The following GRIP1 variants were observed in gnomAD, a reference collection of about 807,000 sequenced individuals.
GRIP1 encodes glutamate receptor-interacting protein 1.
A neutral mutation model predicts 129.9 loss-of-function variants in GRIP1; 45 were observed. The observed-to-expected ratio is 0.35, with a 90% CI of 0.27 to 0.44. The LOEUF is 0.44. GRIP1 is among the 20% of genes least tolerant of loss of function. The pLI is 1.00. For synonymous variants in GRIP1, 530 were observed against 520.8 expected (o/e 1.02, Z -0.24); for missense variants, 1,196 against 1,396.8 (o/e 0.86, Z 2.29).
intron 1 of GRIP1, among the ~76,000 whole-genome samples, chr12:66,781,882 T>C (rs2038172323): frequency 6.6e-6 from 1 of 152,214 alleles, no homozygotes. Context: ...CTATCAAAGC[T>C]GAACATATGC....
chr12:66,997,568 A>C (rs994503382), intron 1 of GRIP1, among the ~76,000 whole-genome samples: 1 of 152,170 alleles, frequency 6.6e-6, no homozygotes, highest in Non-Finnish European at 1.5e-5. Context: ...TTGAGAAAAC[A>C]CCCACAAGAA....
chr12:67,007,057 A>G (rs2042637191), intron 1 of GRIP1, among the ~76,000 whole-genome samples: 1 of 152,226 alleles, frequency 6.6e-6, no homozygotes, highest in South Asian at 2.1e-4. Flanking sequence ...CAAAAGACAG[A>G]ATACCATCAA....
intron 20 of GRIP1, among the ~76,000 whole-genome samples, chr12:66,377,720 C>G (rs1279916851): frequency 6.8e-6 from 1 of 146,244 alleles, no homozygotes; most frequent in African/African-American, 2.5e-5. Flanking sequence ...TTGGATCTGG[C>G]TTTCTTCCAC....
intron 1 of GRIP1, among the ~76,000 whole-genome samples, chr12:66,638,247 T>C (rs1199362036): frequency 6.6e-6 from 1 of 152,228 alleles, no homozygotes; most frequent in Admixed American, 6.5e-5. Flanking sequence ...ATATTTTGCA[T>C]TTTATTCCAC....
At chr12:66,524,116 C>T (rs1187851918) in intron 5 of GRIP1, among the ~76,000 whole-genome samples, 1 of 152,124 alleles carries the variant, frequency 6.6e-6, no homozygotes, top group Non-Finnish European at 1.5e-5. Flanking sequence ...TTAGACAGAT[C>T]AACGAGACAG....
intron 1 of GRIP1, among the ~76,000 whole-genome samples, chr12:66,818,747 A>G (rs913613973): frequency 1.3e-5 from 2 of 152,164 alleles, no homozygotes; most frequent in East Asian, 3.8e-4. Context: ...TACTACTACT[A>G]CTAGTAAACC....
chr12:66,698,615 C>T (rs75018971), intron 1 of GRIP1, among the ~76,000 whole-genome samples: 2,081 of 152,298 alleles, frequency 0.014, 45 homozygotes, highest in African/African-American at 0.047. Context: ...TTGCCTTCCT[C>T]CTTCCCTGTT....
intron 11 of GRIP1, among the ~76,000 whole-genome samples, chr12:66,452,690 C>A (rs1405031001): frequency 2.6e-5 from 4 of 152,038 alleles, no homozygotes; most frequent in African/African-American, 9.7e-5. Context: ...ACAAAGGGGG[C>A]AGCAAATGGT....
chr12:66,531,252 A>ATAT (rs1565833703), intron 4 of GRIP1, among the ~76,000 whole-genome samples: 2 of 19,468 alleles, frequency 1.0e-4, no homozygotes, highest in Non-Finnish European at 1.5e-4. Context: ...AAAAAAAAAA[A>ATAT]ATATATATAT....
intron 7 of GRIP1, among the ~76,000 whole-genome samples, chr12:66,481,142 T>C (rs750708637): frequency 4.7e-5 from 7 of 150,320 alleles, no homozygotes; most frequent in Non-Finnish European, 8.8e-5. Flanking sequence ...AAAGAAACTA[T>C]CATCAGAGTG....
At chr12:66,876,935 C>T (rs906372068) in intron 1 of GRIP1, among the ~76,000 whole-genome samples, 4 of 152,046 alleles carry the variant, frequency 2.6e-5, no homozygotes, top group Admixed American at 6.6e-5. Flanking sequence ...TACATATTAA[C>T]AGCTTTTGTA....
chr12:66,998,993 C>G (rs2042510972), intron 1 of GRIP1, among the ~76,000 whole-genome samples: 2 of 151,896 alleles, frequency 1.3e-5, no homozygotes, highest in Admixed American at 6.6e-5. Context: ...TCAAAAGGAC[C>G]CCCCTCCTCA....
chr12:66,977,298 C>T lies in GRIP1; in HGVS notation c.58+91752G>A, dbSNP rs377752382. Among the ~76,000 whole-genome samples, 45 of 150,612 alleles carry T rather than the reference C, an allele frequency of 3.0e-4. No homozygotes were observed. In the East Asian group the frequency reaches 5.7e-3, roughly 19 times the overall value. On this transcript the variant is annotated intron_variant, in intron 1 of 1. Transcript: ENST00000643019. The stretch of plus-strand genomic sequence containing the variant: ...TTTTAGGGTACAGGTGCAGGTCAAA[C>T]TTTCAAAAAGACACATCATAAGCTC...
chr12:66,748,770 T>C (rs147255114), intron 1 of GRIP1, among the ~76,000 whole-genome samples: 6,792 of 152,302 alleles, frequency 0.045, 227 homozygotes, highest in Non-Finnish European at 0.066. Flanking sequence ...TCTGAAAAGA[T>C]TGAGTTTATC....
chr12:66,371,288 A>C (rs1182888953), intron 23 of GRIP1, among the ~76,000 whole-genome samples: 2 of 151,284 alleles, frequency 1.3e-5, no homozygotes, highest in African/African-American at 4.9e-5. Context: ...CCTCCCAAGT[A>C]GCTGGGATTA....
intron 1 of GRIP1, among the ~76,000 whole-genome samples, chr12:66,797,334 T>G (rs2136894193): frequency 6.6e-6 from 1 of 152,294 alleles, no homozygotes; most frequent in Non-Finnish European, 1.5e-5. Flanking sequence ...GCCCACTAGC[T>G]ATCCCCTTCT....
chr12:66,515,514 G>T, intron 7 of GRIP1, 105 bp downstream of exon 7: 1 of 1,007,112 alleles, frequency 9.9e-7, no homozygotes, highest in Non-Finnish European at 1.6e-6. Flanking sequence ...AATTCTGTCT[G>T]CTCCAGGAGG....
At chr12:66,540,068 G>A (rs983985690) in intron 3 of GRIP1, among the ~76,000 whole-genome samples, 1 of 152,176 alleles carries the variant, frequency 6.6e-6, no homozygotes, top group Non-Finnish European at 1.5e-5. Flanking sequence ...GCTCCAGTCT[G>A]CAGTACATGC....
intron 1 of GRIP1, among the ~76,000 whole-genome samples, chr12:66,941,626 T>C (rs1207725638): frequency 6.6e-6 from 1 of 152,184 alleles, no homozygotes; most frequent in Non-Finnish European, 1.5e-5. Context: ...GCTACAGGTG[T>C]CATTTGATGC....
Sources: gnomAD v4.1 joint callset for allele counts (sites outside exome capture counted in the v4.1 genomes callset) on GRCh38, gnomAD v4.1.1 for gene constraint, MANE v1.5 for transcripts, NCBI Gene and HGNC (gene_info 2026-07-23, HGNC 2026-07-21) for gene names.